UMAD1: variants seen among roughly 807,000 people sequenced by gnomAD.
UMAD1 encodes the protein UBAP1-MVB12-associated (UMA) domain containing 1, also known as UBAP1-MVB12-associated (UMA)-domain containing protein 1.
In UMAD1, 8 loss-of-function variants were observed where a neutral mutation model predicts 6.1. The ratio of observed to expected loss-of-function variants is 1.30; its 90% CI spans 0.76 to 2.35. The LOEUF is 2.35. UMAD1 is among the 30% of genes most tolerant of loss of function. The pLI, the probability that UMAD1 is intolerant of heterozygous loss-of-function variation, is 0.00. For missense variants in UMAD1, 130 were observed against 78.4 expected (o/e 1.66, Z -2.49); for synonymous variants, 56 against 31.4 (o/e 1.78, Z -2.61).
At chr7:7,822,336 G>C (rs1241146119) in intron 3 of UMAD1, among the ~76,000 whole-genome samples, 3 of 151,918 alleles carry the variant, frequency 2.0e-5, no homozygotes, top group Non-Finnish European at 4.4e-5. Context: ...ATTTGAATTA[G>C]TCATCTAGTT....
intron 2 of UMAD1, among the ~76,000 whole-genome samples, chr7:7,787,143 A>G (rs571872705): frequency 6.6e-6 from 1 of 152,202 alleles, no homozygotes; most frequent in Non-Finnish European, 1.5e-5. Flanking sequence ...TAAATATATG[A>G]TGGGGATTTA....
chr7:7,743,443 C>T (rs1229592956), intron 2 of UMAD1, among the ~76,000 whole-genome samples: 1 of 151,966 alleles, frequency 6.6e-6, no homozygotes, highest in Non-Finnish European at 1.5e-5. Flanking sequence ...TAAATTATAA[C>T]ATTGAAAACA....
At chr7:7,721,401 TA>T (rs1251295426) in intron 2 of UMAD1, among the ~76,000 whole-genome samples, 1 of 152,194 alleles carries the variant, frequency 6.6e-6, no homozygotes, top group African/African-American at 2.4e-5. Flanking sequence ...AATTCTACTT[TA>T]AATGTTAAGG....
intron 3 of UMAD1, among the ~76,000 whole-genome samples, chr7:7,826,894 T>C (rs906948334): frequency 1.3e-5 from 2 of 152,176 alleles, no homozygotes; most frequent in East Asian, 3.8e-4. Context: ...AAATTTTGCC[T>C]TTATGGATCA....
intron 3 of UMAD1, among the ~76,000 whole-genome samples, chr7:7,842,763 C>T (rs954802004): frequency 6.6e-6 from 1 of 152,088 alleles, no homozygotes; most frequent in Admixed American, 6.6e-5. Flanking sequence ...TTTCTTTTAG[C>T]CTATCCTGAG....
chr7:7,877,725 G>A lies in UMAD1; in HGVS notation c.*187G>A, dbSNP rs1784450986. ...ACATTTGTATACAAATTGAACTTAA[G>A]TTCTACTTCCTTTCTCCCATATAAT... is the stretch of plus-strand genomic sequence containing the variant. On this transcript the variant is annotated 3_prime_UTR_variant, in exon 4 of 4. Coordinates refer to ENST00000682710, the MANE Select transcript of UMAD1 (RefSeq NM_001302348.2). 4 of 554,348 alleles carry A rather than the reference G, an allele frequency of 7.2e-6. No homozygotes were observed. Among genetic ancestry groups the A allele is most frequent in the South Asian group, 2.5e-5 (1 of 39,970 alleles). 34.3% of individuals were successfully genotyped at this position (554,348 alleles called of 1,614,324 possible).
At chr7:7,742,553 T>C (rs2115207824) in intron 2 of UMAD1, 5 of 520,482 alleles carry the variant, frequency 9.6e-6, no homozygotes, top group South Asian at 5.7e-5. Flanking sequence ...TTCTTCGCTT[T>C]CGGCGCCATC....
At chr7:7,751,906 C>T (rs564828946) in intron 2 of UMAD1, among the ~76,000 whole-genome samples, 188 of 152,262 alleles carry the variant, frequency 1.2e-3, no homozygotes, top group African/African-American at 4.5e-3. Context: ...TATCACATTT[C>T]CTCACACAGG....
chr7:7,644,142 G>T (rs1785040933), intron 1 of UMAD1, among the ~76,000 whole-genome samples: 1 of 152,026 alleles, frequency 6.6e-6, no homozygotes, highest in African/African-American at 2.4e-5. Context: ...GATATGAAGT[G>T]TTTTTTTGTC....
intron 2 of UMAD1, among the ~76,000 whole-genome samples, chr7:7,777,311 C>T (rs552913037): frequency 9.8e-4 from 148 of 151,488 alleles, no homozygotes; most frequent in African/African-American, 3.2e-3. Flanking sequence ...TCAAGACCAG[C>T]CTGGCCAACA....
chr7:7,795,092 A>G (rs1782647781), intron 2 of UMAD1, among the ~76,000 whole-genome samples: 3 of 152,216 alleles, frequency 2.0e-5, no homozygotes, highest in Non-Finnish European at 1.5e-5. Context: ...AGGCTGAACC[A>G]ATATATACCT....
At chr7:7,796,073 G>A (rs531214387) in intron 2 of UMAD1, among the ~76,000 whole-genome samples, 2 of 152,080 alleles carry the variant, frequency 1.3e-5, no homozygotes, top group African/African-American at 4.8e-5. Flanking sequence ...GCAACAACCA[G>A]TGGACAGGAG....
chr7:7,785,686 G>T (rs1782448991), intron 2 of UMAD1, among the ~76,000 whole-genome samples: 1 of 152,206 alleles, frequency 6.6e-6, no homozygotes, highest in Non-Finnish European at 1.5e-5. Context: ...TAGAGTCAGT[G>T]GCTTTAGAAA....
At chr7:7,664,211 C>G (rs1779372357) in intron 1 of UMAD1, among the ~76,000 whole-genome samples, 1 of 152,068 alleles carries the variant, frequency 6.6e-6, no homozygotes, top group African/African-American at 2.4e-5. Context: ...CCCTACTTTT[C>G]CTTTTCTTAT....
At chr7:7,841,604 C>T (rs1302879714) in intron 3 of UMAD1, among the ~76,000 whole-genome samples, 1 of 152,112 alleles carries the variant, frequency 6.6e-6, no homozygotes, top group Non-Finnish European at 1.5e-5. Flanking sequence ...ACACCTGGCT[C>T]ACAAATTATC....
intron 2 of UMAD1, chr7:7,738,828 C>G (rs1359856838): frequency 6.6e-6 from 1 of 152,202 alleles, no homozygotes; most frequent in Non-Finnish European, 1.5e-5. Context: ...TGTGCAGGTG[C>G]CTTGACATGG....
At chr7:7,813,640 G>T (rs1352472609) in intron 3 of UMAD1, among the ~76,000 whole-genome samples, 1 of 152,062 alleles carries the variant, frequency 6.6e-6, no homozygotes, top group African/African-American at 2.4e-5. Flanking sequence ...CAACTTTTTA[G>T]CTGAGAAGTT....
At chr7:7,827,638 T>C (rs914644825) in intron 3 of UMAD1, among the ~76,000 whole-genome samples, 3 of 152,184 alleles carry the variant, frequency 2.0e-5, no homozygotes, top group Non-Finnish European at 2.9e-5. Context: ...AAATGCATAA[T>C]GAACTAGAAG....
intron 2 of UMAD1, chr7:7,742,492 G>C: frequency 1.9e-6 from 1 of 520,954 alleles, no homozygotes; most frequent in South Asian, 1.4e-5. Flanking sequence ...TGCCTTCTTG[G>C]CCTTCGAAGC....
Sources: gnomAD v4.1 joint callset for allele counts (sites outside exome capture counted in the v4.1 genomes callset) on GRCh38, gnomAD v4.1.1 for gene constraint, MANE v1.5 for transcripts, NCBI Gene and HGNC (gene_info 2026-07-23, HGNC 2026-07-21) for gene names.